The following MGAT5 variants were observed in gnomAD, a reference collection of about 807,000 sequenced individuals.
MGAT5 encodes the protein alpha-1,6-mannosylglycoprotein 6-beta-N-acetylglucosaminyltransferase A.
Under a neutral mutation model 94.3 loss-of-function variants are expected in MGAT5, and 30 were observed. The observed-to-expected ratio is 0.32, with a 90% CI of 0.24 to 0.43. The LOEUF (loss-of-function observed/expected upper bound fraction) is 0.43. Among genes scored for constraint, MGAT5 ranks in the 20% least tolerant of loss-of-function variants. MGAT5 has a pLI of 1.00. For synonymous variants in MGAT5, 310 were observed against 322.9 expected (o/e 0.96, Z 0.43); for missense variants, 691 against 905.5 (o/e 0.76, Z 3.04).
intron 10 of MGAT5, among the ~76,000 whole-genome samples, chr2:134,378,298 A>C (rs1681314693): frequency 6.6e-6 from 1 of 152,110 alleles, no homozygotes; most frequent in Non-Finnish European, 1.5e-5. Context: ...AGAATGTGTG[A>C]GCTCAGGACT....
intron 1 of MGAT5, among the ~76,000 whole-genome samples, chr2:134,174,361 G>A (rs1688358741): frequency 6.6e-6 from 1 of 152,274 alleles, no homozygotes; most frequent in African/African-American, 2.4e-5. Context: ...AATTGGAATG[G>A]ATTTAGTTAC....
intron 1 of MGAT5, among the ~76,000 whole-genome samples, chr2:134,267,919 C>T (rs939002862): frequency 2.6e-5 from 4 of 152,260 alleles, no homozygotes; most frequent in Non-Finnish European, 5.9e-5. Flanking sequence ...CTCTCCATGT[C>T]TCCACAGAGG....
intron 10 of MGAT5, among the ~76,000 whole-genome samples, chr2:134,387,898 G>T (rs912395514): frequency 2.0e-5 from 3 of 152,180 alleles, no homozygotes; most frequent in African/African-American, 7.2e-5. Flanking sequence ...GACCTCCAAT[G>T]GAAGGTGACT....
chr2:134,366,065 T>A (rs2106131521), intron 10 of MGAT5, among the ~76,000 whole-genome samples: 1 of 152,278 alleles, frequency 6.6e-6, no homozygotes, highest in East Asian at 1.9e-4. Context: ...ATGAGACTAC[T>A]AACAGCCTAA....
intron 1 of MGAT5, among the ~76,000 whole-genome samples, chr2:134,154,306 C>T (rs1687373062): frequency 6.6e-6 from 1 of 152,158 alleles, no homozygotes; most frequent in African/African-American, 2.4e-5. Context: ...GACTTTTTCA[C>T]AACTGTTGCA....
chr2:134,137,699 TA>T (rs1218570469), intron 1 of MGAT5, among the ~76,000 whole-genome samples: 2 of 152,100 alleles, frequency 1.3e-5, no homozygotes, highest in African/African-American at 4.8e-5. Context: ...GTTCTTTGTT[TA>T]AAAAAATATT....
intron 1 of MGAT5, among the ~76,000 whole-genome samples, chr2:134,204,470 C>T (rs1164710171): frequency 6.6e-6 from 1 of 151,982 alleles, no homozygotes; most frequent in Non-Finnish European, 1.5e-5. Context: ...TAAGTGAGGG[C>T]GTTGGCTAGC....
At chr2:134,287,978 G>C (rs1428064046) in intron 2 of MGAT5, among the ~76,000 whole-genome samples, 1 of 152,174 alleles carries the variant, frequency 6.6e-6, no homozygotes, top group Non-Finnish European at 1.5e-5. Flanking sequence ...TTGATTGTTA[G>C]AGAGGTTGTT....
chr2:134,149,034 G>A (rs959474893), intron 1 of MGAT5, among the ~76,000 whole-genome samples: 1 of 152,020 alleles, frequency 6.6e-6, no homozygotes, highest in African/African-American at 2.4e-5. Context: ...CAAAGTGCTG[G>A]GATTACAGCC....
At chr2:134,317,923 A>G (rs1687092698) in intron 3 of MGAT5, among the ~76,000 whole-genome samples, 1 of 152,154 alleles carries the variant, frequency 6.6e-6, no homozygotes, top group Admixed American at 6.5e-5. Flanking sequence ...TTGAAGGACC[A>G]ATGACAAGGA....
chr2:134,238,252 A>T (rs918024354), intron 1 of MGAT5, among the ~76,000 whole-genome samples: 3 of 152,104 alleles, frequency 2.0e-5, no homozygotes, highest in Non-Finnish European at 4.4e-5. Context: ...AATTTTCCCT[A>T]CTCTGAATGG....
At chr2:134,427,387 C>T (rs1684649319) in intron 13 of MGAT5, among the ~76,000 whole-genome samples, 1 of 152,184 alleles carries the variant, frequency 6.6e-6, no homozygotes, top group South Asian at 2.1e-4. Flanking sequence ...TTGGCAGACA[C>T]TGTGCAGCAG....
chr2:134,309,428 C>G (rs1016059114), intron 2 of MGAT5, among the ~76,000 whole-genome samples: 3 of 152,168 alleles, frequency 2.0e-5, no homozygotes, highest in African/African-American at 7.2e-5. Flanking sequence ...TTTTATATTT[C>G]TACTAGTTGA....
intron 4 of MGAT5, among the ~76,000 whole-genome samples, chr2:134,320,807 A>G (rs978381036): frequency 6.6e-6 from 1 of 152,172 alleles, no homozygotes; most frequent in African/African-American, 2.4e-5. Context: ...AGTATTGCTA[A>G]TAGGGCATGT....
At chr2:134,194,338 T>C (rs1253074580) in intron 1 of MGAT5, among the ~76,000 whole-genome samples, 1 of 152,106 alleles carries the variant, frequency 6.6e-6, no homozygotes, top group Non-Finnish European at 1.5e-5. Context: ...AGGATGCTTA[T>C]ATATTAGTTT....
intron 8 of MGAT5, 66 bp downstream of exon 8, chr2:134,345,130 G>A: frequency 6.6e-7 from 1 of 1,526,326 alleles, no homozygotes. Context: ...TTGCATGGTT[G>A]TGGGTAGAAA....
At position 134,403,038 on chromosome 2, in the gene MGAT5, A is replaced by G. The variant is rs147363895; in HGVS notation, c.1431A>G (p.Ala477=). The G allele has an allele frequency of 9.9e-6, 16 of 1,612,050 alleles. No individual in the cohort carries two copies. In the African/African-American group the frequency reaches 1.3e-4, roughly 13 times the overall value. Residue 477 remains alanine (A), a synonymous_variant, in exon 11 of 16, where the codon GCA becomes GCG. Transcript: ENST00000281923. ...DIIHTYMEVH[A]TVYGSSTKNI... ...TTCACACATACATGGAAGTGCATGC[A>G]ACTGTTTATGGCTCCAGCACAAAGA...
chr2:134,184,987 C>T (rs1183147721), intron 1 of MGAT5, among the ~76,000 whole-genome samples: 1 of 152,066 alleles, frequency 6.6e-6, no homozygotes, highest in Non-Finnish European at 1.5e-5. Context: ...CTTCTGAGAT[C>T]TTGGTGCACC....
intron 14 of MGAT5, among the ~76,000 whole-genome samples, chr2:134,440,302 T>C (rs1685412517): frequency 6.6e-6 from 1 of 152,218 alleles, no homozygotes; most frequent in Non-Finnish European, 1.5e-5. Context: ...TCAAATAATG[T>C]CATTTTGCTA....
Sources: allele counts gnomAD v4.1 joint callset (sites outside exome capture counted in the v4.1 genomes callset), GRCh38; gene constraint gnomAD v4.1.1; transcripts MANE v1.5; gene names NCBI Gene and HGNC (gene_info 2026-07-23, HGNC 2026-07-21).